Variants in CDHR2 observed in about 807,000 individuals in gnomAD.
CDHR2 encodes the protein cadherin-related family member 2.
A neutral mutation model predicts 138.6 loss-of-function variants in CDHR2; 104 were observed. The ratio of observed to expected loss-of-function variants is 0.75; its 90% confidence interval spans 0.64 to 0.88. The LOEUF (loss-of-function observed/expected upper bound fraction) is 0.88. CDHR2 is among the 40% of genes least tolerant of loss of function. The pLI, the probability that CDHR2 is intolerant of heterozygous loss-of-function variation, is 0.00. For synonymous variants in CDHR2, 755 were observed against 742.8 expected (o/e 1.02, Z -0.27); for missense variants, 1,624 against 1,727.6 (o/e 0.94, Z 1.06).
At chr5:176,579,231 A>C (rs1343946105) in intron 16 of CDHR2, among the ~76,000 whole-genome samples, 1 of 152,222 alleles carries the variant, frequency 6.6e-6, no homozygotes, top group Non-Finnish European at 1.5e-5. Context: ...AGGTCCTCAG[A>C]GTGACAATCT....
chr5:176,592,472 T>G, intron 30 of CDHR2, among the ~76,000 whole-genome samples: 4 of 133,738 alleles, frequency 3.0e-5, no homozygotes, highest in Admixed American at 1.5e-4. Context: ...GTGGTGTTGG[T>G]GTTGAGGTGA....
intron 31 of CDHR2, 78 bp downstream of exon 31, chr5:176,592,858 G>C (rs750050050): frequency 4.0e-6 from 5 of 1,245,302 alleles, no homozygotes; most frequent in African/African-American, 3.0e-5. Flanking sequence ...GAGCTCAAGG[G>C]ACCTGCTACT....
Position 176,592,780 on chromosome 5 carries a change from G to A in CDHR2, c.3792G>A (p.Lys1264=). The change falls in exon 31 of 32, where the codon AAG becomes AAA. Residue 1264 remains lysine, a splice_region_variant and synonymous_variant. Coordinates refer to ENST00000261944, the MANE Select transcript of CDHR2 (RefSeq NM_017675.6). ...VDVDKNSQEI[K]EHRPPHTPPE... is the part of the protein sequence containing the mutation. ...TGGACAAGAACAGTCAGGAAATCAA[G>A]GCAAGATGGGGGATGAATTGGTGCC... 1.2e-6 allele frequency: 2 copies of A among 1,613,644 alleles called. No individual in the cohort carries two copies. Among genetic ancestry groups the A allele is most frequent in the Non-Finnish European group, 1.7e-6 (2 of 1,179,716 alleles).
At chr5:176,580,152 A>ACG (rs1758494103) in intron 16 of CDHR2, among the ~76,000 whole-genome samples, 2 of 149,086 alleles carry the variant, frequency 1.3e-5, no homozygotes, top group Non-Finnish European at 2.9e-5. Flanking sequence ...GCACTCACAC[A>ACG]CACACTCACA....
At chr5:176,582,123 C>T (rs12109895) in intron 17 of CDHR2, among the ~76,000 whole-genome samples, 267 of 152,310 alleles carry the variant, frequency 1.8e-3, no homozygotes, top group African/African-American at 6.2e-3. Context: ...CAGGCTCAAG[C>T]GATCCTCCTG....
At chr5:176,548,025 T>C (rs1757622343), upstream of CDHR2, among the ~76,000 whole-genome samples, 1 of 152,132 alleles carries the variant, frequency 6.6e-6, no homozygotes, top group African/African-American at 2.4e-5. Context: ...CGGTACCACC[T>C]ACTACACACC....
chr5:176,580,482 T>C lies in CDHR2; in HGVS notation c.1819-861T>C, dbSNP rs1758505132. Among the ~76,000 whole-genome samples, 2 of 124,402 alleles carry C rather than the reference T, an allele frequency of 1.6e-5. 1 individual carries two copies. Among genetic ancestry groups the C allele is most frequent in the South Asian group, 4.9e-4 (2 of 4,088 alleles). The allele number at this position is 124,402 out of a possible 152,430, so 81.6% of individuals were successfully genotyped here. A position where few individuals can be genotyped will look rare whatever the true frequency, so the allele number is the denominator to read the frequency against. ...AATTGGAAGCTGCAGTGAGCTGAGA[T>C]CATGGCACTGCACTCCACTCTGGGC... is the stretch of plus-strand genomic sequence containing the variant. On this transcript the variant is annotated intron_variant, in intron 16 of 31. Transcript: ENST00000261944.
intron 1 of CDHR2, among the ~76,000 whole-genome samples, chr5:176,562,346 CAG>C (rs1389529624): frequency 7.5e-6 from 1 of 132,580 alleles, no homozygotes; most frequent in African/African-American, 3.1e-5. Context: ...TAGAGAGAAA[CAG>C]AGGAGGCTGC....
At chr5:176,591,060 A>T (rs1237921839) in intron 28 of CDHR2, 150 bp from the exon 29 acceptor site, 2 of 630,098 alleles carry the variant, frequency 3.2e-6, no homozygotes, top group African/African-American at 1.8e-5. Flanking sequence ...TTGGCAAATC[A>T]CTTGCCTTCT....
chr5:176,546,043 A>T (rs938975099), upstream of CDHR2, among the ~76,000 whole-genome samples: 1 of 152,186 alleles, frequency 6.6e-6, no homozygotes, highest in Non-Finnish European at 1.5e-5. Flanking sequence ...GGTCTGCCCT[A>T]TTTGGGGCAC....
intron 21 of CDHR2, among the ~76,000 whole-genome samples, chr5:176,588,398 T>C (rs938687187): frequency 8.9e-6 from 1 of 111,822 alleles, no homozygotes; most frequent in Non-Finnish European, 2.0e-5. Flanking sequence ...GTGTGGTGAG[T>C]GCATGAGAGA....
upstream of CDHR2, among the ~76,000 whole-genome samples, chr5:176,544,452 C>CTTTCT (rs72137369): frequency 2.9e-3 from 6 of 2,100 alleles, no homozygotes; most frequent in Non-Finnish European, 0.011. Flanking sequence ...TCTCTCTTTC[C>CTTTCT]TTTTTTTGAC....
intron 14 of CDHR2, 35 bp downstream of exon 14, chr5:176,577,833 C>T (rs765499762): frequency 1.9e-6 from 3 of 1,609,154 alleles, no homozygotes; most frequent in South Asian, 2.2e-5. Flanking sequence ...CTGTGGGGTC[C>T]CAGCAAGCGG....
chr5:176,583,487 G>A (rs1359278688), intron 17 of CDHR2, among the ~76,000 whole-genome samples: 2 of 152,196 alleles, frequency 1.3e-5, no homozygotes, highest in African/African-American at 4.8e-5. Context: ...ACAAACCTGG[G>A]AAGGGCTGGA....
In CDHR2 at chr5:176,591,559, TTGGTGGTGATGA is replaced by T. The variant is rs1193229522; in HGVS notation, c.3734+81_3734+92del. The T allele has an allele frequency of 1.5e-4, 163 of 1,097,554 alleles. 1 individual carries two copies. In the East Asian group the frequency reaches 3.4e-3, roughly 23 times the overall value. The allele number at this position is 1,097,554 out of a possible 1,614,324, so 68.0% of individuals were successfully genotyped here. A position where few individuals can be genotyped will look rare whatever the true frequency, so the allele number is the denominator to read the frequency against. ...AGTGACGGTGGTGGTGGTGATGGTG[TTGGTGGTGATGA>T]TGGTGATGACAATGGTGATGGTGTG... On this transcript the variant is annotated intron_variant, in intron 30 of 31. Coordinates refer to ENST00000261944, the MANE Select transcript of CDHR2 (RefSeq NM_017675.6).
At chr5:176,572,599 C>T (rs1025473102) in intron 6 of CDHR2, among the ~76,000 whole-genome samples, 4 of 152,176 alleles carry the variant, frequency 2.6e-5, no homozygotes, top group East Asian at 3.9e-4. Context: ...GGGCCTTCCC[C>T]GCAGCAAGGG....
Position 176,575,771 on chromosome 5 carries a change from A to G in CDHR2, c.892A>G (p.Arg298Gly). Residue 298 changes from arginine (R) to glycine (G), a missense_variant, in exon 11 of 32, where the codon AGG becomes GGG. By Grantham distance (125) the Arg-to-Gly change is moderately radical (BLOSUM62 -2). Around this residue, in one of 3 missense-constraint regions of CDHR2, gnomAD observed 1,061 missense variants for 1,136.6 expected, o/e 0.93. Coordinates refer to ENST00000261944, the MANE Select transcript of CDHR2 (RefSeq NM_017675.6). ...WFDIGADGVI[R>G]VNGSLDREQL... ...TGACATCGGGGCAGATGGGGTGATC[A>G]GGGTCAACGGCTCCCTGGACCGTGA... 1.9e-6 allele frequency: 3 copies of G among 1,566,164 alleles called. No individual in the cohort carries two copies. The highest frequency in any genetic ancestry group is 2.4e-5 in the East Asian group (1 of 41,822).
At chr5:176,546,745 C>CAAA (rs10719325), upstream of CDHR2, among the ~76,000 whole-genome samples, 2 of 61,330 alleles carry the variant, frequency 3.3e-5, no homozygotes, top group African/African-American at 5.8e-5. Context: ...ACATGGTGCT[C>CAAA]AAAAAAAAAA....
In CDHR2 at chr5:176,577,761, A is replaced by G; in HGVS notation, c.1475A>G (p.His492Arg). The G allele has an allele frequency of 1.9e-6, 3 of 1,614,210 alleles. No individual in the cohort carries two copies. Among genetic ancestry groups the G allele is most frequent in the South Asian group, 1.1e-5 (1 of 91,086 alleles). ...TTGTACGTCCTCACGGTGCCAGAGC[A>G]CAGCGCCACCGGCTCTGTGGTCACC... ...QSLYVLTVPEHSATGSVVTDS... is the reference protein window; with the variant it reads ...QSLYVLTVPERSATGSVVTDS... The change falls in exon 14 of 32, where the codon CAC becomes CGC. Residue 492 changes from histidine to arginine, a missense_variant. Coordinates refer to ENST00000261944, the MANE Select transcript of CDHR2 (RefSeq NM_017675.6).
Sources: allele counts gnomAD v4.1 joint callset (sites outside exome capture counted in the v4.1 genomes callset), GRCh38; gene constraint gnomAD v4.1.1; regional missense constraint gnomAD v4.1.1; transcripts MANE v1.5; gene names NCBI Gene and HGNC (gene_info 2026-07-23, HGNC 2026-07-21).